ELMO1: variants seen among roughly 807,000 people sequenced by gnomAD.
ELMO1 encodes engulfment and cell motility protein 1.
Under a neutral mutation model 98.9 loss-of-function variants are expected in ELMO1, and 26 were observed. The ratio of observed to expected loss-of-function variants is 0.26; its 90% confidence interval spans 0.19 to 0.36. The LOEUF (loss-of-function observed/expected upper bound fraction) is 0.36, where lower values mean the gene tolerates loss of function less well. Among genes scored for constraint, ELMO1 ranks in the 10% least tolerant of loss-of-function variants. ELMO1 has a pLI of 1.00. For synonymous variants in ELMO1, 346 were observed against 346.0 expected (o/e 1.00, Z 0.00); for missense variants, 627 against 935.2 (o/e 0.67, Z 4.30).
intron 13 of ELMO1, among the ~76,000 whole-genome samples, chr7:37,193,424 A>G (rs1791766116): frequency 6.6e-6 from 1 of 152,194 alleles, no homozygotes; most frequent in African/African-American, 2.4e-5. Context: ...AAGAACAAAA[A>G]GCCGTTATAT....
intron 2 of ELMO1, among the ~76,000 whole-genome samples, chr7:37,324,444 A>G (rs762323492): frequency 6.6e-6 from 1 of 152,218 alleles, no homozygotes; most frequent in African/African-American, 2.4e-5. Context: ...TTCATTTCAA[A>G]TGTTTCTAAT....
At chr7:37,359,755 T>C (rs1331863649) in intron 1 of ELMO1, among the ~76,000 whole-genome samples, 1 of 152,188 alleles carries the variant, frequency 6.6e-6, no homozygotes, top group Non-Finnish European at 1.5e-5. Context: ...TGGCACATTA[T>C]CCCTGACTCT....
chr7:37,142,709 C>CA (rs1157964798), intron 13 of ELMO1, among the ~76,000 whole-genome samples: 1 of 152,134 alleles, frequency 6.6e-6, no homozygotes, highest in Admixed American at 6.5e-5. Flanking sequence ...GGCCAGCTGA[C>CA]ACAGGAGGGG....
At chr7:37,128,580 G>A (rs1388369574) in intron 14 of ELMO1, among the ~76,000 whole-genome samples, 1 of 152,120 alleles carries the variant, frequency 6.6e-6, no homozygotes, top group Non-Finnish European at 1.5e-5. Flanking sequence ...GCTTTCATCA[G>A]TACACAGTTA....
chr7:36,895,464 T>G (rs539523211), intron 16 of ELMO1, among the ~76,000 whole-genome samples: 2 of 152,320 alleles, frequency 1.3e-5, no homozygotes, highest in Admixed American at 1.3e-4. Context: ...TTCAAATGAA[T>G]GTGAACAGAT....
At chr7:37,240,984 A>G (rs1794737182) in intron 7 of ELMO1, among the ~76,000 whole-genome samples, 1 of 152,148 alleles carries the variant, frequency 6.6e-6, no homozygotes, top group Admixed American at 6.5e-5. Context: ...GACCTTTGAT[A>G]GTGTTGATCA....
intron 1 of ELMO1, among the ~76,000 whole-genome samples, chr7:37,409,850 A>C (rs1461151110): frequency 6.6e-6 from 1 of 152,256 alleles, no homozygotes; most frequent in African/African-American, 2.4e-5. Flanking sequence ...GCTAGATGGC[A>C]GGAGTTTCAC....
intron 16 of ELMO1, among the ~76,000 whole-genome samples, chr7:36,925,293 T>A (rs1001190939): frequency 2.6e-5 from 4 of 152,170 alleles, no homozygotes; most frequent in African/African-American, 4.8e-5. Context: ...AAAGCGATCA[T>A]TTTTTCGTGA....
intron 1 of ELMO1, among the ~76,000 whole-genome samples, chr7:37,366,295 T>G (rs572596560): frequency 1.3e-5 from 2 of 152,338 alleles, no homozygotes; most frequent in African/African-American, 4.8e-5. Flanking sequence ...ATAAAAATTA[T>G]TATTAATAAT....
chr7:37,222,699 A>G lies in ELMO1; in HGVS notation c.702-6T>C. The G allele has an allele frequency of 1.2e-6, 2 of 1,613,074 alleles. No individual in the cohort carries two copies. Among genetic ancestry groups the G allele is most frequent in the Non-Finnish European group, 1.7e-6 (2 of 1,179,306 alleles). The stretch of plus-strand genomic sequence containing the variant: ...TTTGGATTTCTTGATCTGACCTGTA[A>G]AGATAGAGAACAATTCAGAAAATCA... On this transcript the variant is annotated splice_polypyrimidine_tract_variant and splice_region_variant and intron_variant, in intron 9 of 21. Coordinates refer to ENST00000310758, the MANE Select transcript of ELMO1 (RefSeq NM_014800.11).
intron 4 of ELMO1, among the ~76,000 whole-genome samples, chr7:37,273,924 G>A (rs1446002242): frequency 1.3e-5 from 2 of 152,188 alleles, no homozygotes; most frequent in African/African-American, 4.8e-5. Flanking sequence ...ACCCAAAAAG[G>A]GGCAGCCTTC....
chr7:37,413,872 T>G (rs1804099473), intron 1 of ELMO1, among the ~76,000 whole-genome samples: 1 of 152,016 alleles, frequency 6.6e-6, no homozygotes, highest in African/African-American at 2.4e-5. Context: ...GAGATGGGGT[T>G]TTGTCACGTT....
At chr7:36,967,634 C>T (rs1359911311) in intron 16 of ELMO1, among the ~76,000 whole-genome samples, 1 of 152,110 alleles carries the variant, frequency 6.6e-6, no homozygotes, top group Non-Finnish European at 1.5e-5. Context: ...AATCCGTGTC[C>T]CTGGATAGGT....
chr7:37,072,294 C>G (rs570786586), intron 15 of ELMO1, among the ~76,000 whole-genome samples: 14 of 152,106 alleles, frequency 9.2e-5, no homozygotes, highest in African/African-American at 1.2e-4. Flanking sequence ...GTAATTGAAT[C>G]ATGGGGGTGG....
intron 1 of ELMO1, among the ~76,000 whole-genome samples, chr7:37,368,611 G>C (rs1476621119): frequency 1.3e-5 from 2 of 152,046 alleles, no homozygotes; most frequent in African/African-American, 2.4e-5. Context: ...AGCCCAAAAA[G>C]ATCAACCACC....
At chr7:37,103,843 A>AATAT (rs1584648332) in intron 14 of ELMO1, among the ~76,000 whole-genome samples, 1 of 150,240 alleles carries the variant, frequency 6.7e-6, no homozygotes, top group African/African-American at 2.5e-5. Flanking sequence ...AAGAATACAA[A>AATAT]ATATATATAT....
chr7:37,320,436 C>T (rs983854815), intron 2 of ELMO1, among the ~76,000 whole-genome samples: 4 of 152,166 alleles, frequency 2.6e-5, no homozygotes, highest in African/African-American at 9.7e-5. Context: ...ATCCCATCTC[C>T]ACACTTTCGC....
intron 14 of ELMO1, among the ~76,000 whole-genome samples, chr7:37,107,103 A>G (rs937857391): frequency 2.0e-5 from 3 of 152,246 alleles, no homozygotes; most frequent in Admixed American, 2.0e-4. Flanking sequence ...TTCCATGAAT[A>G]TTTTTAAGCA....
At chr7:37,129,159 G>A (rs1327189868) in intron 14 of ELMO1, among the ~76,000 whole-genome samples, 1 of 152,066 alleles carries the variant, frequency 6.6e-6, no homozygotes, top group African/African-American at 2.4e-5. Context: ...TATGGTGGTG[G>A]GGGGATGGAA....
Sources: gnomAD v4.1 joint callset for allele counts (sites outside exome capture counted in the v4.1 genomes callset) on GRCh38, gnomAD v4.1.1 for gene constraint, MANE v1.5 for transcripts, NCBI Gene and HGNC (gene_info 2026-07-23, HGNC 2026-07-21) for gene names.